Variants in CDYL observed in about 807,000 individuals in gnomAD.
The protein encoded by CDYL is chromodomain Y-like protein.
In CDYL, 8 loss-of-function variants were observed where a neutral mutation model predicts 47.3. The observed-to-expected ratio is 0.17, with a 90% CI of 0.10 to 0.31. The LOEUF (loss-of-function observed/expected upper bound fraction) is 0.31, where lower values mean the gene tolerates loss of function less well. Among genes scored for constraint, CDYL ranks in the 10% least tolerant of loss-of-function variants. The pLI, the probability that CDYL is intolerant of heterozygous loss-of-function variation, is 1.00. For synonymous variants in CDYL, 266 were observed against 265.0 expected (o/e 1.00, Z -0.04); for missense variants, 471 against 701.4 (o/e 0.67, Z 3.71).
At chr6:4,890,019 A>C (rs1253317372) in intron 1 of CDYL, 5 of 985,422 alleles carry the variant, frequency 5.1e-6, no homozygotes, top group Non-Finnish European at 6.0e-6. Context: ...AAACAAAAGC[A>C]GTGTGCTCCA....
intron 1 of CDYL, among the ~76,000 whole-genome samples, chr6:4,889,840 A>G (rs530335053): frequency 6.6e-5 from 10 of 152,148 alleles, no homozygotes; most frequent in Non-Finnish European, 1.3e-4. Context: ...GAGTATGCCT[A>G]AAAACGGAGC....
At chr6:4,927,428 C>CGTGT (rs35317751) in intron 2 of CDYL, among the ~76,000 whole-genome samples, 3,068 of 142,516 alleles carry the variant, frequency 0.022, 39 homozygotes, top group Middle Eastern at 0.045. Flanking sequence ...ATTTACTGTA[C>CGTGT]GTGTGTGTGT....
chr6:4,744,125 G>A (rs1757844639), intron 3 of CDYL, among the ~76,000 whole-genome samples: 1 of 152,200 alleles, frequency 6.6e-6, no homozygotes, highest in South Asian at 2.1e-4. Context: ...CAGGACGAAG[G>A]TCAGATGGGA....
rs369539902 is a variant in CDYL at position 4,715,866 on chromosome 6, C to T, written c.88C>T (p.Leu30=). 5.6e-6 allele frequency: 9 copies of T among 1,613,894 alleles called. No individual in the cohort carries two copies. In the African/African-American group the frequency reaches 6.7e-5, roughly 12 times the overall value. Residue 30 remains leucine, a synonymous_variant, in exon 2 of 9, where the codon CTG becomes TTG. Coordinates refer to the CDYL transcript ENST00000328908. ...CGAGGGCCCAACCCAAAAGTTATTC[C>T]TGAAGAGAAACAACGGTAAGAACTT...
chr6:4,889,936 G>C (rs1273188988), intron 1 of CDYL: 1 of 983,570 alleles, frequency 1.0e-6, no homozygotes. Flanking sequence ...ATCTGCCTGG[G>C]GCCTGGCAGC....
At chr6:4,922,661 T>C (rs1189879646) in intron 2 of CDYL, among the ~76,000 whole-genome samples, 2 of 152,252 alleles carry the variant, frequency 1.3e-5, no homozygotes, top group Admixed American at 6.5e-5. Context: ...ATCATTGTTA[T>C]TTATCTGTGT....
Position 4,730,056 on chromosome 6 carries a change from G to C in CDYL, c.104-4706G>C, listed in dbSNP as rs567689147. 6.0e-4 allele frequency among the ~76,000 whole-genome samples: 92 copies of C among 152,184 alleles called. 1 individual carries two copies. In the South Asian group the frequency reaches 0.016, roughly 27 times the overall value. ...TGAGGCTTTGCTGGAGATATTACCAGAACAAGTGTCTCCAACCACTGGTAG... is the reference window on the plus strand; with the variant it reads ...TGAGGCTTTGCTGGAGATATTACCACAACAAGTGTCTCCAACCACTGGTAG... On this transcript the variant is annotated intron_variant, in intron 2 of 8. Transcript: ENST00000328908.
At chr6:4,823,810 T>C (rs1759906188) in intron 1 of CDYL, among the ~76,000 whole-genome samples, 1 of 149,962 alleles carries the variant, frequency 6.7e-6, no homozygotes, top group South Asian at 2.1e-4. Flanking sequence ...GTTATATTTG[T>C]ATTTGTATTT....
chr6:4,764,639 G>T (rs1017441771), intron 3 of CDYL, among the ~76,000 whole-genome samples: 1 of 152,100 alleles, frequency 6.6e-6, no homozygotes, highest in Non-Finnish European at 1.5e-5. Flanking sequence ...CATTATTGGT[G>T]TCTTTATAAT....
intron 1 of CDYL, among the ~76,000 whole-genome samples, chr6:4,845,847 G>A (rs964622774): frequency 6.6e-6 from 1 of 152,156 alleles, no homozygotes; most frequent in African/African-American, 2.4e-5. Flanking sequence ...GTGGCAGGGT[G>A]GATTTGGCCC....
At chr6:4,784,825 C>T (rs1017985614) in intron 1 of CDYL, among the ~76,000 whole-genome samples, 6 of 152,232 alleles carry the variant, frequency 3.9e-5, no homozygotes, top group Admixed American at 6.5e-5. Flanking sequence ...GTAGTTGAAT[C>T]GTGGGGTGGA....
At chr6:4,840,205 C>T (rs920531262) in intron 1 of CDYL, among the ~76,000 whole-genome samples, 1 of 151,932 alleles carries the variant, frequency 6.6e-6, no homozygotes, top group African/African-American at 2.4e-5. Context: ...ATTTGAGTCT[C>T]ACCTTGGTTG....
At chr6:4,804,730 C>T (rs1196932117) in intron 1 of CDYL, among the ~76,000 whole-genome samples, 1 of 152,200 alleles carries the variant, frequency 6.6e-6, no homozygotes, top group Non-Finnish European at 1.5e-5. Flanking sequence ...GGTCCATTCT[C>T]CTACTCATGA....
chr6:4,745,770 G>A (rs1009733888), intron 3 of CDYL, among the ~76,000 whole-genome samples: 9 of 152,184 alleles, frequency 5.9e-5, no homozygotes. Context: ...ATGGGGAAGT[G>A]AGGGTAGAAA....
intron 1 of CDYL, among the ~76,000 whole-genome samples, chr6:4,715,089 C>T (rs1757228167): frequency 6.6e-6 from 1 of 152,186 alleles, no homozygotes; most frequent in Admixed American, 6.5e-5. Flanking sequence ...CATAGGCACG[C>T]CCAACCACTC....
chr6:4,749,253 C>T (rs1430027826), intron 3 of CDYL, among the ~76,000 whole-genome samples: 3 of 152,056 alleles, frequency 2.0e-5, no homozygotes, highest in Non-Finnish European at 4.4e-5. Flanking sequence ...CAGAGCCTGG[C>T]ACAAAAGTAG....
chr6:4,775,734 G>A (rs1758420835), upstream of CDYL, among the ~76,000 whole-genome samples: 1 of 148,098 alleles, frequency 6.8e-6, no homozygotes, highest in Non-Finnish European at 1.5e-5. The surrounding 1 kb of genome is among the most constrained non-coding windows in gnomAD (Gnocchi z 7.0). Context: ...CGCGGGGCGC[G>A]CGGCCCGGGC....
chr6:4,778,649 CT>C (rs1342127174), intron 1 of CDYL, among the ~76,000 whole-genome samples: 3 of 152,006 alleles, frequency 2.0e-5, no homozygotes, highest in Admixed American at 2.0e-4. Context: ...CACAATTGAA[CT>C]TTTGATTCTG....
At chr6:4,758,355 T>A (rs185642894) in intron 3 of CDYL, among the ~76,000 whole-genome samples, 35 of 116,136 alleles carry the variant, frequency 3.0e-4, no homozygotes, top group Admixed American at 6.9e-4. Flanking sequence ...TAAATAAATA[T>A]ATATATATAT....
Sources: allele counts gnomAD v4.1 joint callset (sites outside exome capture counted in the v4.1 genomes callset), GRCh38; gene constraint gnomAD v4.1.1; non-coding constraint Gnocchi (gnomAD v3.1); transcripts MANE v1.5; gene names NCBI Gene and HGNC (gene_info 2026-07-23, HGNC 2026-07-21).